Variants in SYN3 observed in about 807,000 individuals in gnomAD.
SYN3 encodes the protein synapsin-3.
A neutral mutation model predicts 65.8 loss-of-function variants in SYN3; 35 were observed. The observed-to-expected ratio is 0.53, with a 90% CI of 0.41 to 0.70. The LOEUF (loss-of-function observed/expected upper bound fraction) is 0.70. Ranked by LOEUF, SYN3 falls within the 30% of genes least tolerant of loss-of-function variation. The pLI, the probability that SYN3 is intolerant of heterozygous loss-of-function variation, is 0.00. For missense variants in SYN3, 680 were observed against 749.0 expected (o/e 0.91, Z 1.08); for synonymous variants, 270 against 292.9 (o/e 0.92, Z 0.80).
chr22:32,816,436 G>T (rs2047090406), intron 6 of SYN3, among the ~76,000 whole-genome samples: 1 of 152,126 alleles, frequency 6.6e-6, no homozygotes, highest in Admixed American at 6.5e-5. Context: ...AAAGAACTTT[G>T]GACTGAGGTT....
chr22:32,780,294 G>C (rs890299302), intron 6 of SYN3, among the ~76,000 whole-genome samples: 12 of 152,058 alleles, frequency 7.9e-5, no homozygotes, highest in Admixed American at 7.9e-4. Flanking sequence ...GCCGGGAGGT[G>C]AATGAGAGAA....
chr22:32,970,997 T>G lies in SYN3; in HGVS notation c.369+9648A>C, dbSNP rs2052003137. 2.0e-5 allele frequency among the ~76,000 whole-genome samples: 3 copies of G among 152,188 alleles called. No homozygotes were observed. In the South Asian group the frequency reaches 6.2e-4, roughly 32 times the overall value. ...TGTGTCACATGCCTGGGCAATTTATTTAAGCTCTCTGGGTCCCAGTTTCCT... is the reference window on the plus strand; with the variant it reads ...TGTGTCACATGCCTGGGCAATTTATGTAAGCTCTCTGGGTCCCAGTTTCCT... On this transcript the variant is annotated intron_variant, in intron 3 of 13. Transcript: ENST00000358763.
chr22:32,838,857 C>T (rs2047812797), intron 6 of SYN3, among the ~76,000 whole-genome samples: 1 of 151,832 alleles, frequency 6.6e-6, no homozygotes, highest in Admixed American at 6.6e-5. Context: ...GGCTCTATGC[C>T]ATGTGCTGGA....
intron 7 of SYN3, among the ~76,000 whole-genome samples, chr22:32,592,875 T>C (rs769214752): frequency 2.0e-5 from 3 of 152,212 alleles, no homozygotes; most frequent in African/African-American, 4.8e-5. Context: ...ATTCTCAGCA[T>C]AGAGTAGGCA....
chr22:32,564,754 A>C (rs2058638393), intron 7 of SYN3, among the ~76,000 whole-genome samples: 1 of 148,432 alleles, frequency 6.7e-6, no homozygotes, highest in Non-Finnish European at 1.5e-5. Context: ...GGCTGCACCC[A>C]GTGCTCCCGC....
At chr22:32,958,034 C>T (rs959529965) in intron 3 of SYN3, among the ~76,000 whole-genome samples, 1 of 152,214 alleles carries the variant, frequency 6.6e-6, no homozygotes, top group Admixed American at 6.5e-5. Context: ...GCAATGAGGT[C>T]TGTCTGTCCA....
At chr22:32,589,078 T>C (rs1334082820) in intron 7 of SYN3, among the ~76,000 whole-genome samples, 1 of 152,190 alleles carries the variant, frequency 6.6e-6, no homozygotes, top group African/African-American at 2.4e-5. Flanking sequence ...GCTCCTATTC[T>C]CAACACACTG....
intron 4 of SYN3, among the ~76,000 whole-genome samples, chr22:32,904,401 T>C (rs1391563523): frequency 6.6e-6 from 1 of 151,978 alleles, no homozygotes; most frequent in Non-Finnish European, 1.5e-5. Context: ...GATGGTGGAG[T>C]CACAAGATGG....
intron 6 of SYN3, among the ~76,000 whole-genome samples, chr22:32,621,771 G>A (rs2059598009): frequency 6.6e-6 from 1 of 152,204 alleles, no homozygotes. Context: ...GCTGCCTGCA[G>A]CATTTCGAAG....
At position 32,539,818 on chromosome 22, in the gene SYN3, G is replaced by A. The variant is rs773282161; in HGVS notation, c.918-1708C>T. Among the ~76,000 whole-genome samples the A allele has an allele frequency of 6.6e-5, 10 of 151,920 alleles. No individual in the cohort carries two copies. The East Asian group carries it at 7.7e-4, about 12-fold the overall frequency. On this transcript the variant is annotated intron_variant, in intron 8 of 13. Coordinates refer to ENST00000358763, the MANE Select transcript of SYN3 (RefSeq NM_003490.4). ...AAAAAAAAAACTGGGACAAGGTGTC[G>A]TCAATGTCAAGTGGAAGCTCAAACA...
chr22:32,572,255 T>TTCCTTCCTTCCTTCC lies in SYN3; in HGVS notation c.774+24418_774+24419insGGAAGGAAGGAAGGA, dbSNP rs1246276846. Among the ~76,000 whole-genome samples, 17 of 87,576 alleles carry TTCCTTCCTTCCTTCC rather than the reference T, an allele frequency of 1.9e-4. 1 individual carries two copies. The highest frequency in any genetic ancestry group is 8.1e-4 in the African/African-American group (16 of 19,738). The allele number at this position is 87,576 out of a possible 152,430, so 57.5% of individuals were successfully genotyped here. A position where few individuals can be genotyped will look rare whatever the true frequency, so the allele number is the denominator to read the frequency against. On this transcript the variant is annotated intron_variant, in intron 7 of 13. Transcript: ENST00000358763. ...AGTCAGATTCTGGCTCCTTCCTTCC[T>TTCCTTCCTTCCTTCC]TTCCTTCCTTCCTTCCCCCCTCCCT...
At position 32,953,827 on chromosome 22, in the gene SYN3, T is replaced by C. The variant is rs1224825141; in HGVS notation, c.370-22346A>G. Among the ~76,000 whole-genome samples, 3 of 152,056 alleles carry C rather than the reference T, an allele frequency of 2.0e-5. No individual in the cohort carries two copies. In the East Asian group the frequency reaches 5.8e-4, roughly 29 times the overall value. On this transcript the variant is annotated intron_variant, in intron 3 of 13. Coordinates refer to ENST00000358763, the MANE Select transcript of SYN3 (RefSeq NM_003490.4). ...ATGGTGGAGATGATTCTCCTCCTCATCCCCCTCCTCCTTCTTCATCAACAT... is the reference window on the plus strand; with the variant it reads ...ATGGTGGAGATGATTCTCCTCCTCACCCCCCTCCTCCTTCTTCATCAACAT...
intron 6 of SYN3, among the ~76,000 whole-genome samples, chr22:32,615,432 T>TAGAAAAA (rs2059503148): frequency 1.3e-5 from 1 of 74,416 alleles, no homozygotes; most frequent in Non-Finnish European, 2.3e-5. Flanking sequence ...AGACTTCATC[T>TAGAAAAA]AAAAAAAAAA....
chr22:32,676,276 A>G (rs1188028324), intron 6 of SYN3, among the ~76,000 whole-genome samples: 1 of 152,152 alleles, frequency 6.6e-6, no homozygotes, highest in African/African-American at 2.4e-5. Flanking sequence ...GAAGCCAGTC[A>G]TCTCATCAGG....
chr22:32,946,935 T>C (rs952335407), intron 3 of SYN3, among the ~76,000 whole-genome samples: 4 of 152,230 alleles, frequency 2.6e-5, no homozygotes, highest in African/African-American at 9.6e-5. Context: ...CTACTCTTGC[T>C]AAACTAGCTG....
intron 2 of SYN3, among the ~76,000 whole-genome samples, chr22:32,996,860 C>G (rs1018535133): frequency 6.6e-6 from 1 of 152,228 alleles, no homozygotes; most frequent in Non-Finnish European, 1.5e-5. Flanking sequence ...GCGGGGCTGC[C>G]TGGCTCGAGG....
At chr22:32,752,970 C>T (rs1602060392) in intron 6 of SYN3, among the ~76,000 whole-genome samples, 1 of 152,146 alleles carries the variant, frequency 6.6e-6, no homozygotes, top group East Asian at 1.9e-4. Context: ...GCTCCAGCCT[C>T]CCCCAGAACC....
In SYN3 at chr22:32,896,407, G is replaced by A. The variant is rs1269260686; in HGVS notation, c.462-27282C>T. Among the ~76,000 whole-genome samples the A allele has an allele frequency of 2.0e-5, 3 of 152,150 alleles. No individual in the cohort carries two copies. The South Asian group carries it at 6.2e-4, about 32-fold the overall frequency. ...GGTGGCAGAGGCTGCAGTGAGTTGA[G>A]GTTGCGCCACTGCACTCCAGCCTGG... On this transcript the variant is annotated intron_variant, in intron 4 of 13. Coordinates refer to ENST00000358763, the MANE Select transcript of SYN3 (RefSeq NM_003490.4).
rs376968748 is a variant in SYN3, at chr22:32,682,559, G to A, written c.712-85823C>T. Among the ~76,000 whole-genome samples, 618 of 152,242 alleles carry A rather than the reference G, an allele frequency of 4.1e-3. 2 individuals are homozygous for A. The highest frequency in any genetic ancestry group is 0.014 in the African/African-American group (572 of 41,558). On this transcript the variant is annotated intron_variant, in intron 6 of 13. Coordinates refer to ENST00000358763, the MANE Select transcript of SYN3 (RefSeq NM_003490.4). ...GAGGAAGGGCAGTAGCATTTACGGA[G>A]CACCCAGAGGGTGCTAGGCTTTCAT... is the stretch of plus-strand genomic sequence containing the variant.
Sources: allele counts gnomAD v4.1 joint callset (sites outside exome capture counted in the v4.1 genomes callset), GRCh38; gene constraint gnomAD v4.1.1; transcripts MANE v1.5; gene names NCBI Gene and HGNC (gene_info 2026-07-23, HGNC 2026-07-21).